Variants in CHMP4A observed in about 807,000 individuals in gnomAD.
CHMP4A encodes SNF7 homolog associated with Alix-2.
In CHMP4A, 29 loss-of-function variants were observed where a neutral mutation model predicts 28.2. That is an observed-to-expected ratio of 1.03 (90% CI 0.77 to 1.40). The LOEUF is 1.40. Ranked by LOEUF, CHMP4A falls within the 40% of genes most tolerant of loss-of-function variation. The pLI, the probability that CHMP4A is intolerant of heterozygous loss-of-function variation, is 0.00. For synonymous variants in CHMP4A, 88 were observed against 99.3 expected (o/e 0.89, Z 0.67); for missense variants, 241 against 263.5 (o/e 0.91, Z 0.59).
chr14:24,212,556 T>C, intron 1 of CHMP4A: 1 of 30,162 alleles, frequency 3.3e-5, no homozygotes, highest in South Asian at 1.9e-4. Context: ...CCCACCTAAT[T>C]TTTTTTTTTT....
rs2039573822 is a variant in CHMP4A at position 24,209,711 on chromosome 14, G to C, written c.*166C>G. 1 of 667,858 alleles carries C rather than the reference G, an allele frequency of 1.5e-6. No homozygotes were observed. The highest frequency in any genetic ancestry group is 2.7e-6 in the Non-Finnish European group (1 of 370,228). 41.4% of individuals were successfully genotyped at this position (667,858 alleles called of 1,614,324 possible). A position where few individuals can be genotyped will look rare whatever the true frequency, so the allele number is the denominator to read the frequency against. On this transcript the variant is annotated 3_prime_UTR_variant, in exon 6 of 6. Transcript: ENST00000347519. Reference sequence around the variant, plus strand: ...CCTTCTGTAGCAAGATCCTTCTTCAGAGTTGAGCCAGGGCTGGGAGGGTAA... The same window carrying C: ...CCTTCTGTAGCAAGATCCTTCTTCACAGTTGAGCCAGGGCTGGGAGGGTAA...
intron 3 of CHMP4A, chr14:24,211,128 G>C: frequency 2.4e-6 from 1 of 408,954 alleles, no homozygotes; most frequent in Non-Finnish European, 4.5e-6. Context: ...AGGTTGCAGT[G>C]AGCCGAGATT....
chr14:24,211,694 G>A lies in CHMP4A; in HGVS notation c.167C>T (p.Thr56Ile). The A allele has an allele frequency of 6.2e-7, 1 of 1,613,992 alleles. No homozygotes were observed. ...TCCCTCATTACCTCTCTTATTCTTG[G>A]TCCCATACTTCTTGGCTGTTTGTAG... ...QELQTAKKYG[T>I]KNKRAALQAL... Residue 56 changes from threonine (T) to isoleucine (I), a missense_variant, in exon 2 of 6, where the codon ACC becomes ATC. Physicochemically the swap from Thr to Ile is moderately conservative, Grantham distance 89 (BLOSUM62 -1). Coordinates refer to ENST00000347519, the MANE Select transcript of CHMP4A (RefSeq NM_014169.5).
Position 24,209,889 on chromosome 14 carries a change from CTCAGCCAACTGCT to C in CHMP4A, c.644_656del (p.Lys215SerfsTer27), listed in dbSNP as rs759074043. On this transcript the variant is annotated frameshift_variant, in exon 6 of 6. Transcript: ENST00000347519. LOFTEE classifies it high-confidence loss of function. ...AAGCCCAGATTTATCAGGATACCCA[CTCAGCCAACTGCT>C]TTAGTGCTTCTTCATCTTCATCCAC... The C allele has an allele frequency of 6.2e-7, 1 of 1,614,082 alleles. No individual in the cohort carries two copies. Among genetic ancestry groups the C allele is most frequent in the South Asian group, 1.1e-5 (1 of 91,088 alleles).
chr14:24,212,201 C>G (rs2138860930), intron 1 of CHMP4A: 1 of 178,656 alleles, frequency 5.6e-6, no homozygotes, highest in South Asian at 1.1e-4. Flanking sequence ...TCAAGCAATT[C>G]TCCTGCCTCA....
Position 24,211,687 on chromosome 14 carries a change from A to G in CHMP4A, c.174T>C (p.Asn58=), listed in dbSNP as rs752178530. 12 of 1,613,786 alleles carry G rather than the reference A, an allele frequency of 7.4e-6. No homozygotes were observed. Among genetic ancestry groups the G allele is most frequent in the Non-Finnish European group, 1.0e-5 (12 of 1,179,944 alleles). The change falls in exon 2 of 6, where the codon AAT becomes AAC. Residue 58 remains asparagine (N), a synonymous_variant. Coordinates refer to ENST00000347519, the MANE Select transcript of CHMP4A (RefSeq NM_014169.5). ...LQTAKKYGTK[N]KRAALQALRR... Reference sequence around the variant, plus strand: ...GCTTGTTTCCCTCATTACCTCTCTTATTCTTGGTCCCATACTTCTTGGCTG... The same window carrying G: ...GCTTGTTTCCCTCATTACCTCTCTTGTTCTTGGTCCCATACTTCTTGGCTG...
At chr14:24,210,806 A>G in intron 3 of CHMP4A, 38 bp from the exon 4 acceptor site, 1 of 1,475,268 alleles carries the variant, frequency 6.8e-7, no homozygotes, top group African/African-American at 1.4e-5. Flanking sequence ...TCACGCAACA[A>G]TGCCCCCTTG....
chr14:24,213,244 G>A (rs919695468), intron 1 of CHMP4A, 165 bp downstream of exon 1: 5 of 798,304 alleles, frequency 6.3e-6, no homozygotes, highest in Non-Finnish European at 9.1e-6. Context: ...TTTTGGCACC[G>A]GCGATGAGCC....
At chr14:24,211,880 C>T in intron 1 of CHMP4A, 51 bp from the exon 2 acceptor site, 2 of 1,532,418 alleles carry the variant, frequency 1.3e-6, no homozygotes, top group Non-Finnish European at 1.8e-6. Flanking sequence ...AAAATATTAG[C>T]CACCAATCAT....
intron 1 of CHMP4A, chr14:24,213,180 C>CT: frequency 1.9e-6 from 1 of 528,904 alleles, no homozygotes; most frequent in Non-Finnish European, 3.2e-6. Flanking sequence ...GTTCTTCCCT[C>CT]TGAGAGTGGG....
At position 24,213,424 on chromosome 14, in the gene CHMP4A, T is replaced by C. The variant is rs144411001; in HGVS notation, c.16A>G (p.Arg6Gly). 2.1e-5 allele frequency: 33 copies of C among 1,608,418 alleles called. No individual in the cohort carries two copies. The African/African-American group carries it at 4.1e-4, about 20-fold the overall frequency. Residue 6 changes from arginine to glycine, a missense_variant, in exon 1 of 6, where the codon AGG (arginine) becomes GGG (glycine). By Grantham distance (125) the Arg-to-Gly change is moderately radical (BLOSUM62 -2). Transcript: ENST00000347519. The part of the protein sequence containing the change: MSGLG[R>G]LFGKGKKEKG... ...CCTGGCTCACCCTTCCCGAAGAGCCTGCCGAGACCACTCATCGCGAGCTCG... is the reference window on the plus strand; with the variant it reads ...CCTGGCTCACCCTTCCCGAAGAGCCCGCCGAGACCACTCATCGCGAGCTCG...
Position 24,211,892 on chromosome 14 carries a change from G to A in CHMP4A, c.32-63C>T, listed in dbSNP as rs2039594514. On this transcript the variant is annotated intron_variant, in intron 1 of 5. Coordinates refer to ENST00000347519, the MANE Select transcript of CHMP4A (RefSeq NM_014169.5). ...GGAAAAATATTAGCCACCAATCATT[G>A]AATACATAGTATGTGCTAGAGACCT... The A allele has an allele frequency of 2.7e-6, 4 of 1,459,396 alleles. No individual in the cohort carries two copies. In the East Asian group the frequency reaches 9.1e-5, roughly 33 times the overall value. The allele number at this position is 1,459,396 out of a possible 1,614,324, so 90.4% of individuals were successfully genotyped here.
intron 5 of CHMP4A, 138 bp downstream of exon 5, chr14:24,210,210 T>A: frequency 8.4e-7 from 1 of 1,195,452 alleles, no homozygotes; most frequent in Non-Finnish European, 1.2e-6. Flanking sequence ...GGTGCCTATA[T>A]GCAGTCAACA....
rs1210651507 is a variant in CHMP4A at position 24,211,550 on chromosome 14, T to A, written c.224A>T (p.Gln75Leu). ...TAATGTCCCGTCAGTTTGTGCCAGC[T>A]GCTGTTCGAATCTTTTCTTCCTCCG... ...ALRRKKRFEQ[Q>L]LAQTDGTLST... is the part of the protein sequence containing the mutation. Residue 75 changes from glutamine (Q) to leucine (L), a missense_variant, in exon 3 of 6, where the codon CAG becomes CTG. By Grantham distance (113) the Gln-to-Leu change is moderately radical. Transcript: ENST00000347519. 6.2e-6 allele frequency: 10 copies of A among 1,613,902 alleles called. 1 individual carries two copies. The Admixed American group carries it at 1.7e-4, about 27-fold the overall frequency.
At chr14:24,213,206 G>A (rs2039613035) in intron 1 of CHMP4A, 2 of 566,158 alleles carry the variant, frequency 3.5e-6, no homozygotes, top group African/African-American at 2.0e-5. Context: ...ACGGCGGACG[G>A]GAACAAGGCG....
At chr14:24,211,326 A>G in intron 3 of CHMP4A, 89 bp downstream of exon 3, 1 of 1,178,404 alleles carries the variant, frequency 8.5e-7, no homozygotes, top group East Asian at 2.6e-5. Context: ...CTGCAAATTC[A>G]CATTCTGAGA....
At chr14:24,212,414 T>A in intron 1 of CHMP4A, 2 of 199,520 alleles carry the variant, frequency 1.0e-5, no homozygotes, top group South Asian at 1.2e-4. Flanking sequence ...TGAGACAGAG[T>A]CTCGCTCTGT....
rs1291061597 is a variant in CHMP4A at position 24,213,441 on chromosome 14, G to A, written c.-2C>T. The A allele has an allele frequency of 6.2e-6, 10 of 1,610,592 alleles. No individual in the cohort carries two copies. The highest frequency in any genetic ancestry group is 2.2e-5 in the East Asian group (1 of 44,614). On this transcript the variant is annotated 5_prime_UTR_variant, in exon 1 of 6. Coordinates refer to ENST00000347519, the MANE Select transcript of CHMP4A (RefSeq NM_014169.5). Reference sequence around the variant, plus strand: ...GAAGAGCCTGCCGAGACCACTCATCGCGAGCTCGCCTCTCCCGCCTCCGCC... The same window carrying A: ...GAAGAGCCTGCCGAGACCACTCATCACGAGCTCGCCTCTCCCGCCTCCGCC...
intron 1 of CHMP4A, chr14:24,213,129 G>A (rs1374924612): frequency 6.5e-6 from 3 of 459,906 alleles, no homozygotes; most frequent in Non-Finnish European, 1.2e-5. Flanking sequence ...GAGTCAGCAC[G>A]ATCGCCACGC....
Sources: allele counts gnomAD v4.1 joint callset, GRCh38; gene constraint gnomAD v4.1.1; transcripts MANE v1.5; gene names NCBI Gene and HGNC (gene_info 2026-07-23, HGNC 2026-07-21).